The following PCDHA1 variants were observed in gnomAD, a reference collection of about 807,000 sequenced individuals.
PCDHA1 encodes protocadherin alpha-1.
A neutral mutation model predicts 61.3 loss-of-function variants in PCDHA1; 42 were observed. That is an observed-to-expected ratio of 0.69 (90% CI 0.54 to 0.89). The LOEUF is 0.89. Ranked by LOEUF, PCDHA1 falls within the 40% of genes least tolerant of loss-of-function variation. The pLI is 0.00. For missense variants in PCDHA1, 1,256 were observed against 1,235.3 expected, an observed-to-expected ratio of 1.02 and a Z score of -0.25; for synonymous variants, 610 against 553.8, an observed-to-expected ratio of 1.10 and a Z score of -1.43.
chr5:140,836,011 C>A (rs2150250556), intron 1 of PCDHA1: 3 of 1,613,394 alleles, frequency 1.9e-6, no homozygotes, highest in Non-Finnish European at 8.5e-7. Flanking sequence ...GCGGGCGTGC[C>A]GCCTCTGGGC....
At chr5:140,869,922 C>T in intron 1 of PCDHA1, 1 of 1,611,202 alleles carries the variant, frequency 6.2e-7, no homozygotes, top group Non-Finnish European at 8.5e-7. Flanking sequence ...ACGAAGGAGT[C>T]AATGGAGAGG....
At position 140,856,085 on chromosome 5, in the gene PCDHA1, C is replaced by T. The variant is rs2043764270; in HGVS notation, c.2394+67401C>T. 5.0e-6 allele frequency: 8 copies of T among 1,596,290 alleles called. No homozygotes were observed. In the East Asian group the frequency reaches 1.8e-4, roughly 36 times the overall value. On this transcript the variant is annotated intron_variant, in intron 1 of 3. Transcript: ENST00000504120. ...ATGTAGCTGCCTGGGGGTCCAGTGT[C>T]TGCTGCTCTCGCTTCTTCTCCTCGC...
chr5:140,876,055 G>A (rs782670279), intron 1 of PCDHA1: 2 of 1,613,934 alleles, frequency 1.2e-6, no homozygotes, highest in Non-Finnish European at 1.7e-6. Context: ...GCCTGAATTA[G>A]TTCTTCGGAA....
At chr5:140,869,590 G>GAAGA in intron 1 of PCDHA1, 3 of 1,614,102 alleles carry the variant, frequency 1.9e-6, no homozygotes, top group Non-Finnish European at 2.5e-6. Context: ...TGCTGACATT[G>GAAGA]AAGAGAATGC....
rs368557415 is a variant in PCDHA1, at chr5:140,808,464, C to T, written c.2394+19780C>T. 1,073 of 1,614,164 alleles carry T rather than the reference C, an allele frequency of 6.6e-4. 17 individuals are homozygous for T. In the South Asian group the frequency reaches 0.011, roughly 17 times the overall value. ...GTGTCAGCCTATGAGCTGGTGGTGA[C>T]CGCGCGAGACGGGGGCTCGCCTTCG... On this transcript the variant is annotated intron_variant, in intron 1 of 3. Transcript: ENST00000504120.
rs932495728 is a variant in PCDHA1, at chr5:140,945,802, C to T, written c.2395-33147C>T. ...AGATGCAGAAAAATGAAACTAGACC[C>T]TTATCTCACACTGTATACAAAAGTC... On this transcript the variant is annotated intron_variant, in intron 1 of 3. Coordinates refer to ENST00000504120, the MANE Select transcript of PCDHA1 (RefSeq NM_018900.4). Among the ~76,000 whole-genome samples the T allele has an allele frequency of 5.9e-5, 9 of 152,202 alleles. No homozygotes were observed. The East Asian group carries it at 1.7e-3, about 29-fold the overall frequency.
At chr5:140,840,887 T>C (rs1359040754) in intron 1 of PCDHA1, among the ~76,000 whole-genome samples, 2 of 151,984 alleles carry the variant, frequency 1.3e-5, no homozygotes, top group Non-Finnish European at 2.9e-5. Flanking sequence ...ATTTCTGATA[T>C]CCATGACATA....
chr5:140,927,731 T>G lies in PCDHA1; in HGVS notation c.2395-51218T>G, dbSNP rs781789205. 19 of 1,614,078 alleles carry G rather than the reference T, an allele frequency of 1.2e-5. No individual in the cohort carries two copies. The highest frequency in any genetic ancestry group is 1.4e-5 in the Non-Finnish European group (17 of 1,180,038). ...CTAAGCAACAGCACGCAAGCAGAGC[T>G]GCGACACCGCTTTCACGTGCACCCT... On this transcript the variant is annotated intron_variant, in intron 1 of 3. Transcript: ENST00000504120.
intron 1 of PCDHA1, chr5:140,822,619 A>T: frequency 6.2e-7 from 1 of 1,610,996 alleles, no homozygotes; most frequent in Non-Finnish European, 8.5e-7. Flanking sequence ...TTTCTTTAGT[A>T]ATCTTGTTCT....
intron 1 of PCDHA1, chr5:140,795,072 C>G (rs781856991): frequency 3.5e-5 from 56 of 1,613,848 alleles, no homozygotes; most frequent in Middle Eastern, 3.3e-4. Context: ...ACTCCGTCCC[C>G]GAGGAGGCCA....
chr5:140,803,160 G>C (rs782083603), intron 1 of PCDHA1: 2 of 1,613,870 alleles, frequency 1.2e-6, no homozygotes, highest in Non-Finnish European at 1.7e-6. Context: ...GAAGGACCAC[G>C]GTGAACCCTC....
chr5:140,852,816 A>C, intron 1 of PCDHA1: 2 of 972,756 alleles, frequency 2.1e-6, no homozygotes, highest in Non-Finnish European at 1.2e-6. Flanking sequence ...CTCCCGCCCT[A>C]AGTCCTCCAG....
chr5:140,787,399 C>T lies in PCDHA1; in HGVS notation c.1109C>T (p.Ala370Val), dbSNP rs782000737. 3 of 1,614,250 alleles carry T rather than the reference C, an allele frequency of 1.9e-6. No homozygotes were observed. The highest frequency in any genetic ancestry group is 2.5e-6 in the Non-Finnish European group (3 of 1,180,042). ...REDAPLSTVI[A>V]LITVSDRDSG... ...GACGCTCCACTCAGCACCGTCATCG[C>T]CCTCATCACCGTGTCTGACCGTGAC... Residue 370 changes from alanine to valine, a missense_variant, in exon 1 of 4, where the codon GCC becomes GTC. Ala to Val is a moderately conservative substitution (Grantham distance 64, BLOSUM62 0). Transcript: ENST00000504120.
At chr5:140,923,071 C>T (rs1319984584) in intron 1 of PCDHA1, among the ~76,000 whole-genome samples, 2 of 152,202 alleles carry the variant, frequency 1.3e-5, no homozygotes, top group Non-Finnish European at 2.9e-5. Context: ...TAGGTCTCCT[C>T]ATGTCAGCAC....
At chr5:140,829,237 C>A (rs782289656) in intron 1 of PCDHA1, 1 of 1,614,266 alleles carries the variant, frequency 6.2e-7, no homozygotes, top group Non-Finnish European at 8.5e-7. Flanking sequence ...CAGGTGCCAA[C>A]GGGCAGGTGA....
At chr5:140,861,610 A>T (rs1268305779) in intron 1 of PCDHA1, 1 of 355,772 alleles carries the variant, frequency 2.8e-6, no homozygotes. Context: ...AACAATAAAG[A>T]CAACCTGCCA....
intron 1 of PCDHA1, among the ~76,000 whole-genome samples, chr5:140,890,874 C>T (rs1337922727): frequency 6.6e-6 from 1 of 152,082 alleles, no homozygotes; most frequent in Admixed American, 6.6e-5. Flanking sequence ...CCCCTCTGAC[C>T]TTTCATCAGG....
intron 1 of PCDHA1, chr5:140,869,408 G>T (rs782029332): frequency 2.0e-5 from 32 of 1,614,106 alleles, no homozygotes; most frequent in Non-Finnish European, 2.7e-5. Context: ...AGCGCGGAGT[G>T]CAGCATCCAC....
chr5:140,920,588 G>A lies in PCDHA1; in HGVS notation c.2395-58361G>A, dbSNP rs561082502. 2.0e-5 allele frequency among the ~76,000 whole-genome samples: 3 copies of A among 152,284 alleles called. No individual in the cohort carries two copies. The South Asian group carries it at 6.2e-4, about 32-fold the overall frequency. On this transcript the variant is annotated intron_variant, in intron 1 of 3. Transcript: ENST00000504120. ...AGGCCAGGAGCAGTGGCTCACGCCT[G>A]TAATCCCAGCACTTTGGGAGGCCGA...
Sources: gnomAD v4.1 joint callset for allele counts (sites outside exome capture counted in the v4.1 genomes callset) on GRCh38, gnomAD v4.1.1 for gene constraint, MANE v1.5 for transcripts, NCBI Gene and HGNC (gene_info 2026-07-23, HGNC 2026-07-21) for gene names.